MED13: variants seen among roughly 807,000 people sequenced by gnomAD.
MED13 encodes mediator of RNA polymerase II transcription subunit 13.
MED13 carries 23 observed loss-of-function variants against 225.2 expected under a neutral mutation model. That is an observed-to-expected ratio of 0.10 (90% CI 0.07 to 0.14). The LOEUF (loss-of-function observed/expected upper bound fraction) is 0.14, where lower values mean the gene tolerates loss of function less well. Among genes scored for constraint, MED13 ranks in the 10% least tolerant of loss-of-function variants. The pLI is 1.00. For synonymous variants in MED13, 942 were observed against 889.2 expected (o/e 1.06, Z -1.06); for missense variants, 2,197 against 2,594.5 (o/e 0.85, Z 3.33).
rs1048468 is a variant in MED13 at position 62,010,750 on chromosome 17, T to C, written c.1767A>G (p.Gln589=). ...CTGTAGGTTCTACAGCTTCCTGATATTGAGGTGGGAAAGACTGGGACAAAC... is the reference window on the plus strand; with the variant it reads ...CTGTAGGTTCTACAGCTTCCTGATACTGAGGTGGGAAAGACTGGGACAAAC... ...IDSLSQSFPP[Q]YQEAVEPTVY... is the part of the protein sequence containing the mutation. The change falls in exon 9 of 30, where the codon CAA becomes CAG. Residue 589 remains glutamine (Q), a synonymous_variant. Coordinates refer to ENST00000397786, the MANE Select transcript of MED13 (RefSeq NM_005121.3). 549 of 1,613,998 alleles carry C rather than the reference T, an allele frequency of 3.4e-4. 1 individual carries two copies. The African/African-American group carries it at 6.0e-3, about 18-fold the overall frequency.
chr17:61,947,147 C>T, intron 28 of MED13, 130 bp from the exon 29 acceptor site: 1 of 564,622 alleles, frequency 1.8e-6, no homozygotes, highest in Non-Finnish European at 3.1e-6. Flanking sequence ...TGAATGAAAG[C>T]CACTATAAAA....
At chr17:62,042,817 G>A (rs1025623392) in intron 3 of MED13, among the ~76,000 whole-genome samples, 1 of 151,720 alleles carries the variant, frequency 6.6e-6, no homozygotes, top group Non-Finnish European at 1.5e-5. Context: ...AGCTTGGACA[G>A]ATTTGTAAGA....
At chr17:62,019,168 A>C (rs2080612754) in intron 8 of MED13, among the ~76,000 whole-genome samples, 1 of 152,256 alleles carries the variant, frequency 6.6e-6, no homozygotes, top group Non-Finnish European at 1.5e-5. Context: ...CAACCAAGAC[A>C]ATATCCAGCA....
chr17:61,992,844 CT>C (rs10713510), intron 10 of MED13, among the ~76,000 whole-genome samples: 152,225 of 152,226 alleles, frequency 1, 76,112 homozygotes, highest in Middle Eastern at 1. Flanking sequence ...TCTCGGCTCA[CT>C]TGCACCTCTG....
At chr17:62,042,457 G>A (rs2080860623) in intron 3 of MED13, among the ~76,000 whole-genome samples, 1 of 151,022 alleles carries the variant, frequency 6.6e-6, no homozygotes, top group African/African-American at 2.4e-5. Context: ...AGCTACTCGG[G>A]AGGCTGAGGC....
At chr17:62,051,004 C>G (rs1270503917) in intron 3 of MED13, among the ~76,000 whole-genome samples, 5 of 152,126 alleles carry the variant, frequency 3.3e-5, no homozygotes, top group Admixed American at 3.3e-4. Flanking sequence ...GACTTTGTCT[C>G]AAAATAAATA....
At chr17:62,058,079 C>G (rs986250946) in intron 2 of MED13, among the ~76,000 whole-genome samples, 9 of 152,174 alleles carry the variant, frequency 5.9e-5, no homozygotes, top group Non-Finnish European at 1.2e-4. Flanking sequence ...AGCAAATTAA[C>G]AGTACACTTA....
At chr17:62,002,801 A>G (rs1221407277) in intron 9 of MED13, among the ~76,000 whole-genome samples, 6 of 152,372 alleles carry the variant, frequency 3.9e-5, no homozygotes, top group South Asian at 2.1e-4. Context: ...AATCTCCCCA[A>G]TGAAGTCAAT....
intron 3 of MED13, among the ~76,000 whole-genome samples, chr17:62,038,231 A>G (rs949874645): frequency 6.6e-6 from 1 of 151,870 alleles, no homozygotes; most frequent in African/African-American, 2.4e-5. Context: ...CCATCTCCAC[A>G]AAAAAATTAA....
intron 3 of MED13, among the ~76,000 whole-genome samples, chr17:62,045,556 A>T (rs2080890933): frequency 6.6e-6 from 1 of 152,142 alleles, no homozygotes; most frequent in South Asian, 2.1e-4. Context: ...ATTCAAGATA[A>T]TCTTTTTCAA....
chr17:62,029,408 T>C (rs2080732715), intron 8 of MED13, 133 bp downstream of exon 8: 3 of 608,072 alleles, frequency 4.9e-6, no homozygotes, highest in Non-Finnish European at 8.6e-6. Context: ...CTGAAATATT[T>C]TTCCTGAATT....
Position 62,010,758 on chromosome 17 carries a change from G to A in MED13, c.1759C>T (p.Pro587Ser). ...TCTACAGCTTCCTGATATTGAGGTGGGAAAGACTGGGACAAACTGTCTATC... is the reference window on the plus strand; with the variant it reads ...TCTACAGCTTCCTGATATTGAGGTGAGAAAGACTGGGACAAACTGTCTATC... ...DRIDSLSQSF[P>S]PQYQEAVEPT... The change falls in exon 9 of 30, where the codon CCA becomes TCA. Residue 587 changes from proline to serine, a missense_variant. By Grantham distance (74) the Pro-to-Ser change is moderately conservative. Coordinates refer to ENST00000397786, the MANE Select transcript of MED13 (RefSeq NM_005121.3). 1 of 1,614,056 alleles carries A rather than the reference G, an allele frequency of 6.2e-7. No homozygotes were observed. The highest frequency in any genetic ancestry group is 8.5e-7 in the Non-Finnish European group (1 of 1,179,970).
At position 61,943,414 on chromosome 17, in the gene MED13, A is replaced by G. The variant is rs1464980366; in HGVS notation, c.*3054T>C. On this transcript the variant is annotated 3_prime_UTR_variant, in exon 30 of 30. Coordinates refer to ENST00000397786, the MANE Select transcript of MED13 (RefSeq NM_005121.3). Reference sequence around the variant, plus strand: ...CATAGTGCTTGATTAAAGATCTGCAAATCTTTGTAGTAACACATTAAGTTA... The same window carrying G: ...CATAGTGCTTGATTAAAGATCTGCAGATCTTTGTAGTAACACATTAAGTTA... The G allele has an allele frequency of 6.6e-6, 1 of 152,616 alleles. No homozygotes were observed. The highest frequency in any genetic ancestry group is 1.5e-5 in the Non-Finnish European group (1 of 68,000). The allele number at this position is 152,616 out of a possible 1,614,324, so 9.5% of individuals were successfully genotyped here.
At position 62,063,293 on chromosome 17, in the gene MED13, C is replaced by T. The variant is rs2081055993; in HGVS notation, c.75G>A (p.Leu25=). The T allele has an allele frequency of 6.2e-7, 1 of 1,609,122 alleles. No individual in the cohort carries two copies. The highest frequency in any genetic ancestry group is 8.5e-7 in the Non-Finnish European group (1 of 1,176,374). The part of the protein sequence containing the change: ...CHCNLFCLAD[L]TGIKWKKYVW... ...CATATTTTTTCCACTTAATTCCTGT[C>T]AAGTCAGCCTGAAGGAAAGAAAGCA... Residue 25 remains leucine, a synonymous_variant, in exon 2 of 30, where the codon TTG becomes TTA. Coordinates refer to ENST00000397786, the MANE Select transcript of MED13 (RefSeq NM_005121.3).
chr17:61,951,045 A>C, intron 27 of MED13, 47 bp from the exon 28 acceptor site: 1 of 1,482,148 alleles, frequency 6.7e-7, no homozygotes, highest in Non-Finnish European at 9.3e-7. Context: ...CAGTGTAACT[A>C]AGTACCAGAT....
At chr17:62,002,878 A>T (rs1272748192) in intron 9 of MED13, among the ~76,000 whole-genome samples, 1 of 152,244 alleles carries the variant, frequency 6.6e-6, no homozygotes, top group African/African-American at 2.4e-5. Context: ...CAAGTTATTC[A>T]TTATATTAAA....
chr17:61,985,131 C>T (rs748744866), intron 12 of MED13, 41 bp from the exon 13 acceptor site: 1 of 1,487,492 alleles, frequency 6.7e-7, no homozygotes, highest in East Asian at 2.3e-5. Context: ...ATTTTACATC[C>T]AATGTGATCT....
chr17:62,001,693 T>A (rs1395065537), intron 9 of MED13, among the ~76,000 whole-genome samples: 1 of 152,210 alleles, frequency 6.6e-6, no homozygotes, highest in African/African-American at 2.4e-5. Context: ...ATAAATGGAA[T>A]TAAATTATTC....
intron 9 of MED13, among the ~76,000 whole-genome samples, chr17:61,998,012 A>T (rs1401360188): frequency 6.6e-6 from 1 of 152,222 alleles, no homozygotes; most frequent in African/African-American, 2.4e-5. Context: ...CAAAGAATTT[A>T]AATGTAGTCA....
Sources: allele counts gnomAD v4.1 joint callset (sites outside exome capture counted in the v4.1 genomes callset), GRCh38; gene constraint gnomAD v4.1.1; transcripts MANE v1.5; gene names NCBI Gene and HGNC (gene_info 2026-07-23, HGNC 2026-07-21).